The following RTKN2 variants were observed in gnomAD, a reference collection of about 807,000 sequenced individuals.
RTKN2 encodes the protein rhotekin-2.
In RTKN2, 69 loss-of-function variants were observed where a neutral mutation model predicts 71.5. The ratio of observed to expected loss-of-function variants is 0.96; its 90% CI spans 0.79 to 1.18. The LOEUF (loss-of-function observed/expected upper bound fraction) is 1.18, where lower values mean the gene tolerates loss of function less well. Among genes scored for constraint, RTKN2 ranks in the 50% most tolerant of loss-of-function variants. RTKN2 has a pLI of 0.00. For synonymous variants in RTKN2, 236 were observed against 236.5 expected (o/e 1.00, Z 0.02); for missense variants, 724 against 719.7 (o/e 1.01, Z -0.07).
intron 1 of RTKN2, among the ~76,000 whole-genome samples, chr10:62,263,861 T>C (rs1354883415): frequency 1.3e-5 from 2 of 152,192 alleles, no homozygotes; most frequent in Admixed American, 1.3e-4. Context: ...AGTCTTTTAT[T>C]CCATATAATT....
chr10:62,190,070 T>C (rs561566371), downstream of RTKN2, among the ~76,000 whole-genome samples: 32 of 152,160 alleles, frequency 2.1e-4, no homozygotes, highest in Non-Finnish European at 4.0e-4. Flanking sequence ...TAGGTTTACA[T>C]ATGCTCAAAT....
At chr10:62,201,160 C>G (rs564113171) in intron 10 of RTKN2, among the ~76,000 whole-genome samples, 1 of 152,022 alleles carries the variant, frequency 6.6e-6, no homozygotes, top group African/African-American at 2.4e-5. Flanking sequence ...AAATGTAATA[C>G]ACTTATGTTG....
At chr10:62,255,925 C>A (rs1263981493) in intron 2 of RTKN2, among the ~76,000 whole-genome samples, 2 of 151,978 alleles carry the variant, frequency 1.3e-5, no homozygotes, top group Admixed American at 6.6e-5. Context: ...GGCAAAAACA[C>A]AGAATATGAG....
chr10:62,195,000 C>T lies in RTKN2; in HGVS notation c.*2908G>A. The T allele has an allele frequency of 2.0e-6, 2 of 985,320 alleles. No individual in the cohort carries two copies. Among genetic ancestry groups the T allele is most frequent in the Non-Finnish European group, 2.4e-6 (2 of 829,862 alleles). The allele number at this position is 985,320 out of a possible 1,614,324, so 61.0% of individuals were successfully genotyped here. A position where few individuals can be genotyped will look rare whatever the true frequency, so the allele number is the denominator to read the frequency against. ...CCTGATATTTTTGAAAGACTATTTA[C>T]CTTAGGAGGTGTGCATTTAGAATTT... On this transcript the variant is annotated 3_prime_UTR_variant, in exon 12 of 12. Transcript: ENST00000373789.
chr10:62,252,980 A>C (rs1240566015), intron 2 of RTKN2, among the ~76,000 whole-genome samples: 1 of 152,134 alleles, frequency 6.6e-6, no homozygotes, highest in African/African-American at 2.4e-5. Flanking sequence ...ACATAATATA[A>C]AAGAATATTA....
intron 9 of RTKN2, among the ~76,000 whole-genome samples, chr10:62,213,363 G>T (rs970762592): frequency 6.6e-6 from 1 of 152,094 alleles, no homozygotes; most frequent in Non-Finnish European, 1.5e-5. Flanking sequence ...GCTCTATAAC[G>T]TACTTGTCTG....
At chr10:62,249,688 C>T (rs1173666535) in intron 2 of RTKN2, among the ~76,000 whole-genome samples, 2 of 152,128 alleles carry the variant, frequency 1.3e-5, no homozygotes, top group Non-Finnish European at 2.9e-5. Context: ...TGCTATTAAT[C>T]TTTTAACCTC....
At chr10:62,214,954 C>A in intron 9 of RTKN2, 3 of 666,252 alleles carry the variant, frequency 4.5e-6, no homozygotes, top group Admixed American at 6.7e-5. Context: ...TCTATCTGAT[C>A]TCTGAGACTA....
At chr10:62,198,536 T>C (rs1434912043) in intron 11 of RTKN2, 93 bp from the exon 12 acceptor site, 2 of 934,562 alleles carry the variant, frequency 2.1e-6, no homozygotes, top group East Asian at 2.8e-5. Flanking sequence ...GTATGCTATA[T>C]ACAATGGTCA....
At chr10:62,258,334 A>G (rs1842711036) in intron 2 of RTKN2, among the ~76,000 whole-genome samples, 1 of 152,232 alleles carries the variant, frequency 6.6e-6, no homozygotes, top group Non-Finnish European at 1.5e-5. Flanking sequence ...GACTTCTTAA[A>G]TAATTTCACT....
chr10:62,218,745 C>T (rs117416087), intron 7 of RTKN2, among the ~76,000 whole-genome samples: 16 of 152,040 alleles, frequency 1.1e-4, no homozygotes, highest in African/African-American at 3.6e-4. Flanking sequence ...TTTCACTTTG[C>T]GAGGCCGAGG....
intron 10 of RTKN2, among the ~76,000 whole-genome samples, chr10:62,202,364 C>A (rs1841461675): frequency 6.6e-6 from 1 of 152,154 alleles, no homozygotes; most frequent in Non-Finnish European, 1.5e-5. Context: ...TATTAAATTT[C>A]TCTTACTTTA....
At position 62,204,759 on chromosome 10, in the gene RTKN2, T is replaced by G. The variant is rs137942790; in HGVS notation, c.1186+98A>C. ...CCATTCTTTCAAGAACATAAAAAAT[T>G]TTTGCTACAAACTCTAAGATTACAA... On this transcript the variant is annotated intron_variant, in intron 10 of 11. Coordinates refer to ENST00000373789, the MANE Select transcript of RTKN2 (RefSeq NM_145307.4). 5,165 of 863,916 alleles carry G rather than the reference T, an allele frequency of 6.0e-3. 27 individuals carry two copies. Among genetic ancestry groups the G allele is most frequent in the Non-Finnish European group, 7.9e-3 (4,697 of 594,236 alleles). The allele number at this position is 863,916 out of a possible 1,614,324, so 53.5% of individuals were successfully genotyped here.
At position 62,198,355 on chromosome 10, in the gene RTKN2, C is replaced by T; in HGVS notation, c.1383G>A (p.Gln461=). 6.2e-7 allele frequency: 1 copy of T among 1,612,714 alleles called. No homozygotes were observed. Among genetic ancestry groups the T allele is most frequent in the South Asian group, 1.1e-5 (1 of 90,792 alleles). The change falls in exon 12 of 12, where the codon CAG becomes CAA. Residue 461 remains glutamine, a synonymous_variant. Coordinates refer to ENST00000373789, the MANE Select transcript of RTKN2 (RefSeq NM_145307.4). ...AAGGAGGTGGTAAGGATTCTTCATGCTGACCAATAAGGAACTGCCCATTTG... is the reference window on the plus strand; with the variant it reads ...AAGGAGGTGGTAAGGATTCTTCATGTTGACCAATAAGGAACTGCCCATTTG... ...EETNGQFLIG[Q]HEESLPPPWA... is the part of the protein sequence containing the mutation.
At chr10:62,258,194 G>T (rs972960577) in intron 2 of RTKN2, among the ~76,000 whole-genome samples, 6 of 152,086 alleles carry the variant, frequency 3.9e-5, no homozygotes, top group Non-Finnish European at 7.4e-5. Flanking sequence ...TCCAAGGGTG[G>T]TACAAAAGTA....
chr10:62,242,784 C>T (rs1842404328), intron 3 of RTKN2, among the ~76,000 whole-genome samples: 2 of 151,866 alleles, frequency 1.3e-5, no homozygotes, highest in South Asian at 2.1e-4. Flanking sequence ...CATGCACCAC[C>T]ACACCCGGCT....
At chr10:62,217,573 G>A (rs1319089330) in intron 8 of RTKN2, among the ~76,000 whole-genome samples, 1 of 152,134 alleles carries the variant, frequency 6.6e-6, no homozygotes, top group Non-Finnish European at 1.5e-5. Flanking sequence ...GAATTCTATA[G>A]CAATTCATCA....
At position 62,262,699 on chromosome 10, in the gene RTKN2, G is replaced by A; in HGVS notation, c.183C>T (p.Cys61=). 1 of 1,613,396 alleles carries A rather than the reference G, an allele frequency of 6.2e-7. No homozygotes were observed. Among genetic ancestry groups the A allele is most frequent in the Non-Finnish European group, 8.5e-7 (1 of 1,179,438 alleles). ...VLHAVKNLMV[C]NARLMAYTSE... The stretch of plus-strand genomic sequence containing the variant: ...ATGTATAGGCCATTAGTCGAGCATT[G>A]CACACCATGAGATTCTTAACTGCAT... Residue 61 remains cysteine, a synonymous_variant, in exon 2 of 12, where the codon TGC becomes TGT. Transcript: ENST00000373789.
chr10:62,218,881 G>C (rs1168803913), intron 7 of RTKN2, among the ~76,000 whole-genome samples: 4 of 151,900 alleles, frequency 2.6e-5, no homozygotes, highest in South Asian at 2.1e-4. Context: ...AGCTGCTTGG[G>C]AGGCTGAGGC....
Sources: allele counts gnomAD v4.1 joint callset (sites outside exome capture counted in the v4.1 genomes callset), GRCh38; gene constraint gnomAD v4.1.1; transcripts MANE v1.5; gene names NCBI Gene and HGNC (gene_info 2026-07-23, HGNC 2026-07-21).